The following VAC14 variants were observed in gnomAD, a reference collection of about 807,000 sequenced individuals.
The protein encoded by VAC14 is VAC14 component of PIKFYVE complex.
Under a neutral mutation model 85.3 loss-of-function variants are expected in VAC14, and 47 were observed. The ratio of observed to expected loss-of-function variants is 0.55; its 90% CI spans 0.44 to 0.70. The LOEUF is 0.70. Among genes scored for constraint, VAC14 ranks in the 30% least tolerant of loss-of-function variants. The pLI is 0.00. For synonymous variants in VAC14, 447 were observed against 430.5 expected (o/e 1.04, Z -0.47); for missense variants, 861 against 1,004.3 (o/e 0.86, Z 1.93).
intron 12 of VAC14, among the ~76,000 whole-genome samples, chr16:70,760,089 C>A (rs1359712877): frequency 6.6e-6 from 1 of 152,316 alleles, no homozygotes; most frequent in African/African-American, 2.4e-5. Flanking sequence ...TCCACGACAA[C>A]CTGTGCCGCG....
chr16:70,692,734 G>A (rs1399119292), intron 18 of VAC14, 87 bp downstream of exon 18: 24 of 1,516,178 alleles, frequency 1.6e-5, no homozygotes, highest in Non-Finnish European at 2.0e-5. Flanking sequence ...GGCCTCAGCA[G>A]CCCCTGGCAA....
chr16:70,755,865 G>T, intron 12 of VAC14: 2 of 371,932 alleles, frequency 5.4e-6, no homozygotes, highest in South Asian at 4.0e-5. Context: ...TTTGGGGGAC[G>T]GGAGAGAGCA....
chr16:70,726,872 T>G (rs1231959692), intron 14 of VAC14, among the ~76,000 whole-genome samples: 1 of 152,232 alleles, frequency 6.6e-6, no homozygotes, highest in Non-Finnish European at 1.5e-5. Flanking sequence ...AAAAGGAGGC[T>G]GTGTGGACAC....
intron 14 of VAC14, chr16:70,714,053 G>A (rs993502454): frequency 7.9e-5 from 12 of 152,220 alleles, no homozygotes; most frequent in African/African-American, 2.9e-4. Context: ...CAGGGCACTC[G>A]GCAGCTGCTC....
chr16:70,712,257 C>T (rs1473427888), intron 14 of VAC14, among the ~76,000 whole-genome samples: 4 of 152,160 alleles, frequency 2.6e-5, no homozygotes, highest in Non-Finnish European at 5.9e-5. Context: ...GGAAGTCACC[C>T]GAGGGGACAT....
At chr16:70,746,044 G>A (rs1266843484) in intron 12 of VAC14, among the ~76,000 whole-genome samples, 1 of 152,162 alleles carries the variant, frequency 6.6e-6, no homozygotes, top group African/African-American at 2.4e-5. Flanking sequence ...GCTTCAAAAG[G>A]GCAAATTTTA....
intron 14 of VAC14, among the ~76,000 whole-genome samples, chr16:70,701,471 T>C (rs1007018834): frequency 1.3e-5 from 2 of 152,026 alleles, no homozygotes; most frequent in East Asian, 3.9e-4. Flanking sequence ...CTCTGCTGGG[T>C]CCACTGGCAC....
chr16:70,728,898 C>T (rs1185160022), intron 14 of VAC14, among the ~76,000 whole-genome samples: 1 of 152,230 alleles, frequency 6.6e-6, no homozygotes, highest in Admixed American at 6.5e-5. Context: ...CTTGTGGGAA[C>T]ATTCCGCTGC....
intron 12 of VAC14, among the ~76,000 whole-genome samples, chr16:70,752,679 G>C (rs1420737496): frequency 6.6e-6 from 1 of 152,256 alleles, no homozygotes; most frequent in Non-Finnish European, 1.5e-5. Context: ...TTACTTGCAA[G>C]CTACGCACAG....
chr16:70,743,949 G>A (rs1214957749), intron 13 of VAC14, among the ~76,000 whole-genome samples: 2 of 152,078 alleles, frequency 1.3e-5, no homozygotes, highest in Non-Finnish European at 2.9e-5. Flanking sequence ...TACTTCCAAG[G>A]ACTGCCCAGA....
chr16:70,790,025 C>A (rs2034263878), intron 1 of VAC14, among the ~76,000 whole-genome samples: 1 of 152,220 alleles, frequency 6.6e-6, no homozygotes. Flanking sequence ...GGAGACTCCT[C>A]CTGTGCGATG....
At chr16:70,770,168 G>C (rs150245550) in intron 10 of VAC14, 1 of 152,272 alleles carries the variant, frequency 6.6e-6, no homozygotes, top group Non-Finnish European at 1.5e-5. Flanking sequence ...CTAGGATAGC[G>C]GGGGTCTGGC....
intron 1 of VAC14, among the ~76,000 whole-genome samples, chr16:70,797,291 T>G (rs934041257): frequency 1.3e-5 from 2 of 152,186 alleles, no homozygotes; most frequent in Non-Finnish European, 2.9e-5. Flanking sequence ...ATCACATCAC[T>G]CTGACACTGA....
chr16:70,720,483 A>T (rs900553735), intron 14 of VAC14, among the ~76,000 whole-genome samples: 1 of 152,074 alleles, frequency 6.6e-6, no homozygotes, highest in African/African-American at 2.4e-5. Context: ...TCCCGGGGAG[A>T]CGGCAAGACC....
chr16:70,730,066 C>T (rs2054545412), intron 14 of VAC14, among the ~76,000 whole-genome samples: 1 of 152,012 alleles, frequency 6.6e-6, no homozygotes, highest in African/African-American at 2.4e-5. Flanking sequence ...GGCCTGGACA[C>T]CCTGACACTC....
intron 14 of VAC14, among the ~76,000 whole-genome samples, chr16:70,721,436 C>T (rs188961357): frequency 4.3e-4 from 65 of 150,886 alleles, no homozygotes; most frequent in African/African-American, 1.3e-3. Context: ...ACGAGAAAGA[C>T]GAGGGGGAGG....
At chr16:70,725,489 C>T (rs2054401340) in intron 14 of VAC14, among the ~76,000 whole-genome samples, 1 of 152,186 alleles carries the variant, frequency 6.6e-6, no homozygotes, top group Non-Finnish European at 1.5e-5. Context: ...TTTCTAGCGG[C>T]TGCCCGGCCC....
intron 8 of VAC14, 93 bp downstream of exon 8, chr16:70,781,776 C>G: frequency 6.6e-7 from 1 of 1,521,950 alleles, no homozygotes; most frequent in Non-Finnish European, 8.9e-7. Context: ...GTGATGGATC[C>G]TAAGAGAGCC....
intron 16 of VAC14, 106 bp downstream of exon 16, chr16:70,697,033 G>A (rs1245028188): frequency 9.3e-6 from 8 of 858,860 alleles, no homozygotes; most frequent in Non-Finnish European, 1.5e-5. Context: ...GGAGGGGTGG[G>A]GACAGGAGCA....
Sources: gnomAD v4.1 joint callset for allele counts (sites outside exome capture counted in the v4.1 genomes callset) on GRCh38, gnomAD v4.1.1 for gene constraint, MANE v1.5 for transcripts, NCBI Gene and HGNC (gene_info 2026-07-23, HGNC 2026-07-21) for gene names.